PTPRN2: variants seen among roughly 807,000 people sequenced by gnomAD.
PTPRN2 encodes protein tyrosine phosphatase receptor type N2, also known as receptor-type tyrosine-protein phosphatase N2.
Under a neutral mutation model 118.8 loss-of-function variants are expected in PTPRN2, and 74 were observed. The observed-to-expected ratio is 0.62, with a 90% CI of 0.52 to 0.76. PTPRN2 has a LOEUF of 0.76. Among genes scored for constraint, PTPRN2 ranks in the 30% least tolerant of loss-of-function variants. The pLI, the probability that PTPRN2 is intolerant of heterozygous loss-of-function variation, is 0.00. For synonymous variants in PTPRN2, 641 were observed against 608.0 expected, an observed-to-expected ratio of 1.05 and a Z score of -0.80; for missense variants, 1,481 against 1,394.4, an observed-to-expected ratio of 1.06 and a Z score of -0.99.
rs56040599 is a variant in PTPRN2 at position 158,469,735 on chromosome 7, C to CAAA, written c.163+19997_163+19999dup. On this transcript the variant is annotated intron_variant, in intron 2 of 22. Transcript: ENST00000389418. Reference sequence around the variant, plus strand: ...CAGCAAGTGAGAGAGAAAACCTGGCCAAAAAAAAAAAAAAAAAAATGCAAA... The same window carrying CAAA: ...CAGCAAGTGAGAGAGAAAACCTGGCCAAAAAAAAAAAAAAAAAAAAAATGCAAA... Among the ~76,000 whole-genome samples, 170 of 67,512 alleles carry CAAA rather than the reference C, an allele frequency of 2.5e-3. 2 individuals carry two copies. The highest frequency in any genetic ancestry group is 6.0e-3 in the African/African-American group (127 of 21,016). The allele number at this position is 67,512 out of a possible 152,430, so 44.3% of individuals were successfully genotyped here.
At chr7:158,519,159 C>T (rs1325409998) in intron 1 of PTPRN2, among the ~76,000 whole-genome samples, 2 of 152,130 alleles carry the variant, frequency 1.3e-5, no homozygotes, top group African/African-American at 4.8e-5. Context: ...TCACTGTTTC[C>T]AAGAACTTCC....
chr7:158,068,058 A>G (rs1315004897), intron 11 of PTPRN2, among the ~76,000 whole-genome samples: 1 of 152,150 alleles, frequency 6.6e-6, no homozygotes, highest in Admixed American at 6.5e-5. Flanking sequence ...GAAGGCAGGC[A>G]TGCTGGGCTG....
chr7:158,587,610 C>G lies in PTPRN2; in HGVS notation c.60G>C (p.Leu20=), dbSNP rs1157963797. The change falls in exon 1 of 23, where the codon CTG becomes CTC. Residue 20 remains leucine, a synonymous_variant. Coordinates refer to ENST00000389418, the MANE Select transcript of PTPRN2 (RefSeq NM_002847.5). ...LLLLLLPPRV[L]PAAPSSVPRG... is the part of the protein sequence containing the mutation. ...GGGGGACGGACGAAGGGGCGGCAGG[C>G]AGGACGCGTGGCGGCAGCAGCAGCA... The G allele has an allele frequency of 7.3e-7, 1 of 1,362,320 alleles. No individual in the cohort carries two copies. Among genetic ancestry groups the G allele is most frequent in the African/African-American group, 1.5e-5 (1 of 65,336 alleles). 84.4% of individuals were successfully genotyped at this position (1,362,320 alleles called of 1,614,324 possible). A position where few individuals can be genotyped will look rare whatever the true frequency, so the allele number is the denominator to read the frequency against.
intron 12 of PTPRN2, chr7:157,854,536 A>C (rs903796834): frequency 6.6e-6 from 1 of 152,364 alleles, no homozygotes; most frequent in African/African-American, 2.4e-5. Flanking sequence ...TGAAGACGGA[A>C]GCAGCAGCAT....
chr7:157,753,831 C>G (rs1339066570), intron 12 of PTPRN2, among the ~76,000 whole-genome samples: 1 of 152,190 alleles, frequency 6.6e-6, no homozygotes, highest in Middle Eastern at 3.2e-3. Context: ...ACCTCCCCAT[C>G]CCCCACCGGT....
chr7:157,907,571 G>A (rs1201470310), intron 11 of PTPRN2, among the ~76,000 whole-genome samples: 1 of 148,246 alleles, frequency 6.7e-6, no homozygotes, highest in Non-Finnish European at 1.5e-5. Context: ...TCTCCTGTGT[G>A]TGAGGTGTCC....
At chr7:158,116,790 A>G (rs1461230798) in intron 9 of PTPRN2, among the ~76,000 whole-genome samples, 1 of 152,214 alleles carries the variant, frequency 6.6e-6, no homozygotes, top group Non-Finnish European at 1.5e-5. Context: ...TAAAGACCAG[A>G]ATATTCAAAA....
In PTPRN2 at chr7:158,361,178, ATGATG is replaced by A. The variant is rs1272046327; in HGVS notation, c.164-44251_164-44247del. 1.3e-3 allele frequency among the ~76,000 whole-genome samples: 10 copies of A among 7,780 alleles called. 3 individuals are homozygous for A. Among genetic ancestry groups the A allele is most frequent in the African/African-American group, 9.9e-3 (5 of 506 alleles). The allele number at this position is 7,780 out of a possible 152,430, so 5.1% of individuals were successfully genotyped here. The stretch of plus-strand genomic sequence containing the variant: ...GACCCTGCATCCACCCTCACCCAGG[ATGATG>A]CGCAGACCCCACACCCTGGCAACCC... On this transcript the variant is annotated intron_variant, in intron 2 of 22. Transcript: ENST00000389418.
At chr7:157,951,757 C>A (rs1268453181) in intron 11 of PTPRN2, among the ~76,000 whole-genome samples, 1 of 152,254 alleles carries the variant, frequency 6.6e-6, no homozygotes, top group Non-Finnish European at 1.5e-5. Flanking sequence ...GGATCCACCT[C>A]CCACCATCTT....
At position 157,953,486 on chromosome 7, in the gene PTPRN2, T is replaced by C. The variant is rs867726325; in HGVS notation, c.1724-54749A>G. On this transcript the variant is annotated intron_variant, in intron 11 of 22. Transcript: ENST00000389418. The surrounding 1 kb of genome is among the most constrained non-coding windows in gnomAD (Gnocchi z 4.6). ...TGCCCGTCACCACCTGCCCACCTTC[T>C]TCACACCATGAGGCTGCTGGCACGG... Among the ~76,000 whole-genome samples, 2 of 152,142 alleles carry C rather than the reference T, an allele frequency of 1.3e-5. No individual in the cohort carries two copies. Among genetic ancestry groups the C allele is most frequent in the Admixed American group, 6.5e-5 (1 of 15,278 alleles).
At chr7:158,123,587 C>T (rs368326964) in intron 9 of PTPRN2, among the ~76,000 whole-genome samples, 23 of 152,196 alleles carry the variant, frequency 1.5e-4, no homozygotes, top group African/African-American at 5.1e-4. Context: ...CCCAGGCCAA[C>T]GACCCTGGAC....
intron 11 of PTPRN2, among the ~76,000 whole-genome samples, chr7:157,937,240 A>C (rs1259641950): frequency 1.3e-5 from 2 of 152,232 alleles, no homozygotes; most frequent in East Asian, 3.9e-4. Flanking sequence ...GCTGGCACAC[A>C]TAGGTGAGTA....
chr7:158,300,219 T>C (rs866413188), intron 3 of PTPRN2, among the ~76,000 whole-genome samples: 3 of 152,180 alleles, frequency 2.0e-5, no homozygotes, highest in Non-Finnish European at 4.4e-5. Flanking sequence ...ATTGTAATTA[T>C]GAGGGATGGG....
intron 2 of PTPRN2, among the ~76,000 whole-genome samples, chr7:158,484,301 G>A (rs954888361): frequency 3.9e-5 from 6 of 152,116 alleles, no homozygotes; most frequent in East Asian, 1.9e-4. Flanking sequence ...AGCCCTACAC[G>A]GCCACAACCT....
intron 5 of PTPRN2, among the ~76,000 whole-genome samples, chr7:158,179,753 C>T (rs899923433): frequency 5.9e-5 from 9 of 152,098 alleles, no homozygotes; most frequent in African/African-American, 1.9e-4. Context: ...TAAAACAGGG[C>T]CAAGGTGGAA....
intron 11 of PTPRN2, among the ~76,000 whole-genome samples, chr7:158,077,502 G>C (rs1812457440): frequency 6.8e-6 from 1 of 146,014 alleles, no homozygotes; most frequent in Admixed American, 6.6e-5. Flanking sequence ...CTCAGGACAG[G>C]AGCCCCCCAT....
chr7:157,735,887 T>C (rs911536113), intron 12 of PTPRN2, among the ~76,000 whole-genome samples: 15 of 152,214 alleles, frequency 9.9e-5, no homozygotes, highest in Non-Finnish European at 1.9e-4. Flanking sequence ...TTGATAGCGA[T>C]CGGCACATGC....
In PTPRN2 at chr7:157,603,873, G is replaced by T; in HGVS notation, c.2418+129C>A. 1.2e-6 allele frequency: 1 copy of T among 860,300 alleles called. No individual in the cohort carries two copies. The highest frequency in any genetic ancestry group is 1.6e-5 in the South Asian group (1 of 60,854). The allele number at this position is 860,300 out of a possible 1,614,324, so 53.3% of individuals were successfully genotyped here. A position where few individuals can be genotyped will look rare whatever the true frequency, so the allele number is the denominator to read the frequency against. ...GGCGGGAGCCCAATGGGCAGAGTCG[G>T]CCCTGTCCACCGCAGAGACGCTGAG... On this transcript the variant is annotated intron_variant, in intron 16 of 22. Coordinates refer to ENST00000389418, the MANE Select transcript of PTPRN2 (RefSeq NM_002847.5). This position sits in a 1 kb window ranked among gnomAD's most constrained non-coding sequence, Gnocchi z 5.4.
chr7:158,234,812 G>C (rs1156917899), intron 3 of PTPRN2, among the ~76,000 whole-genome samples: 1 of 152,088 alleles, frequency 6.6e-6, no homozygotes, highest in Admixed American at 6.5e-5. Context: ...TCCCAGGCTG[G>C]AGTGCAATGG....
Sources: allele counts gnomAD v4.1 joint callset (sites outside exome capture counted in the v4.1 genomes callset), GRCh38; gene constraint gnomAD v4.1.1; non-coding constraint Gnocchi (gnomAD v3.1); transcripts MANE v1.5; gene names NCBI Gene and HGNC (gene_info 2026-07-23, HGNC 2026-07-21).